Variants in DLC1 observed in about 807,000 individuals in gnomAD.
DLC1 encodes DLC1 Rho GTPase activating protein.
Under a neutral mutation model 140.3 loss-of-function variants are expected in DLC1, and 54 were observed. That is an observed-to-expected ratio of 0.38 (90% CI 0.31 to 0.48). The LOEUF is 0.48. Among genes scored for constraint, DLC1 ranks in the 20% least tolerant of loss-of-function variants. The probability of loss-of-function intolerance (pLI) is 0.96; values close to 1 mark genes in which losing one functional copy is unlikely to be tolerated. For missense variants in DLC1, 2,536 were observed against 1,907.0 expected (o/e 1.33, Z -6.14); for synonymous variants, 986 against 728.1 (o/e 1.35, Z -5.70).
chr8:13,533,575 G>A (rs1803172629), intron 1 of DLC1, among the ~76,000 whole-genome samples: 1 of 152,192 alleles, frequency 6.6e-6, no homozygotes, highest in South Asian at 2.1e-4. Context: ...TCTGGACGAG[G>A]AAGTTGAGTT....
chr8:13,499,092 G>T lies in DLC1; in HGVS notation c.980C>A (p.Thr327Asn), dbSNP rs575367900. 6 of 1,613,666 alleles carry T rather than the reference G, an allele frequency of 3.7e-6. No individual in the cohort carries two copies. In the Admixed American group the frequency reaches 5.0e-5, roughly 13 times the overall value. The change falls in exon 2 of 18, where the codon ACC becomes AAC. Residue 327 changes from threonine (T) to asparagine (N), a missense_variant. Coordinates refer to ENST00000276297, the MANE Select transcript of DLC1 (RefSeq NM_182643.3). ...GACTTGGTTATCTGTGGGTTCCTGG[G>T]TGGCCAGGGTCTCCTTTAATTGTAA... The part of the protein sequence containing the change: ...QCLQLKETLA[T>N]QEPTDNQVRL...
intron 1 of DLC1, among the ~76,000 whole-genome samples, chr8:13,579,840 A>G (rs1234329092): frequency 1.3e-5 from 2 of 151,746 alleles, no homozygotes; most frequent in South Asian, 2.1e-4. Context: ...GCTCCAGGTG[A>G]GTACCCAGTG....
intron 1 of DLC1, among the ~76,000 whole-genome samples, chr8:13,592,186 T>C (rs1205341548): frequency 6.6e-6 from 1 of 151,944 alleles, no homozygotes; most frequent in African/African-American, 2.4e-5. Context: ...GGTAAAGGTC[T>C]TATATTTATC....
At chr8:13,375,563 G>A (rs1351739684) in intron 4 of DLC1, among the ~76,000 whole-genome samples, 1 of 152,126 alleles carries the variant, frequency 6.6e-6, no homozygotes, top group East Asian at 1.9e-4. Context: ...GGAGTGGTGA[G>A]AGAGGTCATC....
intron 2 of DLC1, among the ~76,000 whole-genome samples, chr8:13,403,131 T>A (rs1837372768): frequency 6.6e-6 from 1 of 152,250 alleles, no homozygotes; most frequent in Non-Finnish European, 1.5e-5. Context: ...TTTTGAGGTA[T>A]GCTAATTCCT....
At chr8:13,289,645 T>C (rs1393785111) in intron 5 of DLC1, among the ~76,000 whole-genome samples, 1 of 152,200 alleles carries the variant, frequency 6.6e-6, no homozygotes. Flanking sequence ...ATTCCTTTTA[T>C]GTGGGTGCTT....
At chr8:13,545,610 G>T (rs1803626119) in intron 1 of DLC1, among the ~76,000 whole-genome samples, 1 of 151,960 alleles carries the variant, frequency 6.6e-6, no homozygotes, top group Non-Finnish European at 1.5e-5. Context: ...TACTTTGTCA[G>T]TTCTAGTTTA....
intron 5 of DLC1, among the ~76,000 whole-genome samples, chr8:13,292,534 T>A (rs1831795964): frequency 6.6e-6 from 1 of 152,198 alleles, no homozygotes; most frequent in Non-Finnish European, 1.5e-5. Flanking sequence ...ATGTCCCCCT[T>A]TGGGTAACCT....
At chr8:13,126,878 G>A (rs1821627421) in intron 5 of DLC1, among the ~76,000 whole-genome samples, 1 of 152,152 alleles carries the variant, frequency 6.6e-6, no homozygotes, top group Non-Finnish European at 1.5e-5. Flanking sequence ...AGAAATAAAG[G>A]TGATAGCAGG....
chr8:13,218,595 C>T (rs1005974728), intron 5 of DLC1, among the ~76,000 whole-genome samples: 1 of 151,544 alleles, frequency 6.6e-6, no homozygotes, highest in Non-Finnish European at 1.5e-5. Flanking sequence ...CACACTAGGA[C>T]AGCTATCATA....
At chr8:13,166,276 C>A (rs1367419284) in intron 5 of DLC1, among the ~76,000 whole-genome samples, 1 of 152,202 alleles carries the variant, frequency 6.6e-6, no homozygotes, top group Non-Finnish European at 1.5e-5. Flanking sequence ...GGCCATCATT[C>A]CTTTTGATCA....
chr8:13,217,750 A>C (rs1481413903), intron 5 of DLC1, among the ~76,000 whole-genome samples: 1 of 151,716 alleles, frequency 6.6e-6, no homozygotes, highest in Non-Finnish European at 1.5e-5. Context: ...AGGCAGGAGA[A>C]TTGCTTGAAC....
intron 2 of DLC1, among the ~76,000 whole-genome samples, chr8:13,438,558 G>A (rs1839225666): frequency 2.0e-5 from 3 of 152,022 alleles, no homozygotes; most frequent in African/African-American, 7.2e-5. Context: ...TTGCGATCTG[G>A]CCGTGTCCCT....
chr8:13,479,533 C>T (rs1010179904), intron 2 of DLC1, among the ~76,000 whole-genome samples: 2 of 152,110 alleles, frequency 1.3e-5, no homozygotes, highest in Non-Finnish European at 2.9e-5. Flanking sequence ...TATGGCTTCT[C>T]AGATTGAAAG....
At chr8:13,105,351 G>C (rs1375026738) in intron 7 of DLC1, among the ~76,000 whole-genome samples, 1 of 152,130 alleles carries the variant, frequency 6.6e-6, no homozygotes, top group East Asian at 1.9e-4. Context: ...AGACAGTACT[G>C]ATATCAAATC....
At chr8:13,547,434 G>T (rs1300985602) in intron 1 of DLC1, among the ~76,000 whole-genome samples, 2 of 151,940 alleles carry the variant, frequency 1.3e-5, no homozygotes, top group Non-Finnish European at 2.9e-5. Flanking sequence ...GAAAATGACT[G>T]CCTCTGTTAC....
intron 2 of DLC1, among the ~76,000 whole-genome samples, chr8:13,413,366 G>T (rs28577232): frequency 2.1e-5 from 3 of 144,732 alleles, no homozygotes; most frequent in African/African-American, 7.6e-5. Context: ...GAAGCCAAAA[G>T]ATTGAACACC....
At chr8:13,138,790 A>G (rs1052298438) in intron 5 of DLC1, among the ~76,000 whole-genome samples, 1 of 152,184 alleles carries the variant, frequency 6.6e-6, no homozygotes, top group Non-Finnish European at 1.5e-5. Flanking sequence ...CCTTTTCAGA[A>G]TTTGTCAAAA....
At chr8:13,316,711 T>A (rs755372686) in intron 4 of DLC1, among the ~76,000 whole-genome samples, 1 of 152,030 alleles carries the variant, frequency 6.6e-6, no homozygotes, top group Non-Finnish European at 1.5e-5. Context: ...GGCAGCTGAG[T>A]TTGCAGATTT....
Sources: allele counts gnomAD v4.1 joint callset (sites outside exome capture counted in the v4.1 genomes callset), GRCh38; gene constraint gnomAD v4.1.1; transcripts MANE v1.5; gene names NCBI Gene and HGNC (gene_info 2026-07-23, HGNC 2026-07-21).